Variants in EVC observed in about 807,000 individuals in gnomAD.
EVC encodes the protein evC complex member EVC.
EVC carries 116 observed loss-of-function variants against 118.9 expected under a neutral mutation model. That is an observed-to-expected ratio of 0.98 (90% CI 0.84 to 1.14). The LOEUF is 1.14. Ranked by LOEUF, EVC falls within the 50% of genes most tolerant of loss-of-function variation. The pLI is 0.00. For synonymous variants in EVC, 619 were observed against 534.7 expected, an observed-to-expected ratio of 1.16 and a Z score of -2.18; for missense variants, 1,401 against 1,246.4, an observed-to-expected ratio of 1.12 and a Z score of -1.87.
downstream of EVC, among the ~76,000 whole-genome samples, chr4:5,816,197 G>A (rs1174587439): frequency 2.0e-5 from 3 of 152,132 alleles, no homozygotes; most frequent in East Asian, 1.9e-4. Context: ...TGCACCTCCT[G>A]CCCACCGACA....
At chr4:5,757,608 G>A (rs1300181363) in intron 11 of EVC, among the ~76,000 whole-genome samples, 1 of 152,204 alleles carries the variant, frequency 6.6e-6, no homozygotes, top group Non-Finnish European at 1.5e-5. Context: ...CCTTCCCGTT[G>A]CCTCCTCACA....
At chr4:5,770,993 CAG>C (rs1733858541) in intron 11 of EVC, among the ~76,000 whole-genome samples, 1 of 148,904 alleles carries the variant, frequency 6.7e-6, no homozygotes, top group South Asian at 2.1e-4. Context: ...GCCTGGGTGA[CAG>C]AGCGAGACTT....
At chr4:5,761,964 C>A (rs1348419004) in intron 11 of EVC, among the ~76,000 whole-genome samples, 1 of 151,140 alleles carries the variant, frequency 6.6e-6, no homozygotes, top group Admixed American at 6.6e-5. Context: ...AGGTTAGTTA[C>A]ATATGTATAC....
chr4:5,813,411 T>A lies in EVC; in HGVS notation c.*2374T>A, dbSNP rs1342234106. 2 of 152,184 alleles carry A rather than the reference T, an allele frequency of 1.3e-5. No homozygotes were observed. Among genetic ancestry groups the A allele is most frequent in the African/African-American group, 2.4e-5 (1 of 41,436 alleles). 9.4% of individuals were successfully genotyped at this position (152,184 alleles called of 1,614,324 possible). A position where few individuals can be genotyped will look rare whatever the true frequency, so the allele number is the denominator to read the frequency against. ...TTTTAGTAGAGACGGGGTTTCACCA[T>A]ACTGGCCAGGCTGCTCTCGAACTCC... On this transcript the variant is annotated 3_prime_UTR_variant, in exon 21 of 21. Transcript: ENST00000264956.
chr4:5,758,808 G>A (rs1325699224), intron 11 of EVC, among the ~76,000 whole-genome samples: 1 of 152,190 alleles, frequency 6.6e-6, no homozygotes, highest in East Asian at 1.9e-4. Context: ...GACGGCTGTT[G>A]TGAAACCTCG....
rs186405112 is a variant in EVC at position 5,724,683 on chromosome 4, T to C, written c.301-4624T>C. ...GGAAGCTTGGGGAGGTAGCGTACGT[T>C]GGTGGTTTTCCCTGTTATTTTTTTT... On this transcript the variant is annotated intron_variant, in intron 2 of 20. Transcript: ENST00000264956. Among the ~76,000 whole-genome samples the C allele has an allele frequency of 2.1e-4, 30 of 144,294 alleles. No individual in the cohort carries two copies. The East Asian group carries it at 4.8e-3, about 23-fold the overall frequency. The allele number at this position is 144,294 out of a possible 152,430, so 94.7% of individuals were successfully genotyped here.
At position 5,726,596 on chromosome 4, in the gene EVC, G is replaced by C. The variant is rs545702847; in HGVS notation, c.301-2711G>C. On this transcript the variant is annotated intron_variant, in intron 2 of 20. Coordinates refer to ENST00000264956, the MANE Select transcript of EVC (RefSeq NM_153717.3). ...TTTTTTTTTTTTTATTATACTTTAA[G>C]TTTTAGGGTACATGTGCACATTGTG... Among the ~76,000 whole-genome samples, 288 of 108,258 alleles carry C rather than the reference G, an allele frequency of 2.7e-3. 1 individual carries two copies. The highest frequency in any genetic ancestry group is 9.1e-3 in the African/African-American group (259 of 28,522). 71.0% of individuals were successfully genotyped at this position (108,258 alleles called of 152,430 possible).
intron 2 of EVC, among the ~76,000 whole-genome samples, chr4:5,723,647 C>G (rs1479291551): frequency 6.6e-6 from 1 of 152,042 alleles, no homozygotes; most frequent in South Asian, 2.1e-4. Flanking sequence ...GGCCCTTTTG[C>G]TTTTGTATCT....
chr4:5,793,772 C>T, intron 13 of EVC, 55 bp downstream of exon 13: 4 of 1,361,084 alleles, frequency 2.9e-6, no homozygotes, highest in Non-Finnish European at 3.1e-6. Context: ...ATGCTCCCTC[C>T]AGCCTCAGTG....
the EVC span, among the ~76,000 whole-genome samples, chr4:5,827,716 TACAC>T: frequency 2.1e-5 from 3 of 141,060 alleles, no homozygotes; most frequent in Non-Finnish European, 3.1e-5. Flanking sequence ...CGCATAGACA[TACAC>T]ACATGTGCGC....
chr4:5,818,054 T>C (rs927367135), downstream of EVC, among the ~76,000 whole-genome samples: 1 of 152,174 alleles, frequency 6.6e-6, no homozygotes, highest in African/African-American at 2.4e-5. Flanking sequence ...AATTCCGTGA[T>C]GTGGGAGGGA....
chr4:5,720,118 G>A (rs1439030226), intron 2 of EVC, among the ~76,000 whole-genome samples: 1 of 152,148 alleles, frequency 6.6e-6, no homozygotes, highest in African/African-American at 2.4e-5. Flanking sequence ...CCCGTGGGTG[G>A]AGAGGATGTG....
intron 11 of EVC, among the ~76,000 whole-genome samples, chr4:5,767,904 A>G (rs919307436): frequency 3.0e-4 from 46 of 152,120 alleles, no homozygotes; most frequent in Non-Finnish European, 5.9e-4. Flanking sequence ...AGCTGTTCCT[A>G]TTCGGCCATC....
chr4:5,736,660 T>C (rs1162343584), intron 5 of EVC, among the ~76,000 whole-genome samples: 1 of 152,184 alleles, frequency 6.6e-6, no homozygotes, highest in African/African-American at 2.4e-5. Flanking sequence ...TTCACTATTA[T>C]TGTGTTATGG....
chr4:5,767,240 G>A (rs1733040659), intron 11 of EVC, among the ~76,000 whole-genome samples: 1 of 152,038 alleles, frequency 6.6e-6, no homozygotes, highest in African/African-American at 2.4e-5. Flanking sequence ...ACCCACTTGA[G>A]GAAGCAGTCT....
In EVC at chr4:5,782,527, G is replaced by A. The variant is rs796222638; in HGVS notation, c.1564-1025G>A. 2.8e-4 allele frequency among the ~76,000 whole-genome samples: 20 copies of A among 70,616 alleles called. No individual in the cohort carries two copies. In the South Asian group the frequency reaches 0.012, roughly 43 times the overall value. 46.3% of individuals were successfully genotyped at this position (70,616 alleles called of 152,430 possible). On this transcript the variant is annotated intron_variant, in intron 11 of 20. Transcript: ENST00000264956. ...TCCTGCCTCAGCCTCCCGCTTCCAT[G>A]TTTTAAATGAAAAAAAAAAAAAAAA...
chr4:5,714,987 T>C (rs892909972), intron 1 of EVC, among the ~76,000 whole-genome samples: 1 of 148,178 alleles, frequency 6.7e-6, no homozygotes, highest in African/African-American at 2.5e-5. Flanking sequence ...TTTTTTTTTC[T>C]ATTTTCTGTA....
chr4:5,712,904 A>C (rs116284884), intron 1 of EVC, among the ~76,000 whole-genome samples: 4 of 152,182 alleles, frequency 2.6e-5, no homozygotes, highest in Admixed American at 2.0e-4. Context: ...CCTCCAGCCC[A>C]TGAGGTGGAG....
chr4:5,809,702 G>A, intron 19 of EVC, 91 bp downstream of exon 19: 2 of 1,195,788 alleles, frequency 1.7e-6, no homozygotes, highest in East Asian at 2.5e-5. Context: ...CTAGCTGTGT[G>A]ACCTTAGGCA....
Sources: allele counts gnomAD v4.1 joint callset (sites outside exome capture counted in the v4.1 genomes callset), GRCh38; gene constraint gnomAD v4.1.1; transcripts MANE v1.5; gene names NCBI Gene and HGNC (gene_info 2026-07-23, HGNC 2026-07-21).